Variants in LRRC31 observed in about 807,000 individuals in gnomAD.
The protein encoded by LRRC31 is leucine-rich repeat-containing protein 31.
LRRC31 carries 35 observed loss-of-function variants against 46.7 expected under a neutral mutation model. The ratio of observed to expected loss-of-function variants is 0.75; its 90% CI spans 0.57 to 0.99. The LOEUF (loss-of-function observed/expected upper bound fraction) is 0.99. Ranked by LOEUF, LRRC31 falls within the 50% of genes least tolerant of loss-of-function variation. The pLI, the probability that LRRC31 is intolerant of heterozygous loss-of-function variation, is 0.00. For missense variants in LRRC31, 613 were observed against 626.1 expected (o/e 0.98, Z 0.22); for synonymous variants, 236 against 235.1 (o/e 1.00, Z -0.03).
Position 169,861,664 on chromosome 3 carries a change from A to G in LRRC31, c.319+6T>C, listed in dbSNP as rs1446020017. The G allele has an allele frequency of 1.2e-6, 2 of 1,613,660 alleles. No individual in the cohort carries two copies. The highest frequency in any genetic ancestry group is 1.7e-6 in the Non-Finnish European group (2 of 1,179,940). On this transcript the variant is annotated splice_donor_region_variant and intron_variant, in intron 2 of 8. Transcript: ENST00000316428. ...TTCCTCTATGCAAAGTCTGCTGCAT[A>G]CAGACCCATTTCTTTCATGTCCGCT...
chr3:169,861,070 C>CTTTTTTT (rs11337221), intron 2 of LRRC31, among the ~76,000 whole-genome samples: 3 of 125,010 alleles, frequency 2.4e-5, no homozygotes, highest in African/African-American at 9.1e-5. Context: ...TTTTCTTTTC[C>CTTTTTTT]TTTTTTTTTT....
rs1780390281 is a variant in LRRC31, at chr3:169,839,798, ATATATGTG to A, written c.*176_*183del. The A allele has an allele frequency of 2.0e-5, 4 of 197,086 alleles. No individual in the cohort carries two copies. The East Asian group carries it at 4.7e-4, about 23-fold the overall frequency. 12.2% of individuals were successfully genotyped at this position (197,086 alleles called of 1,614,324 possible). On this transcript the variant is annotated 3_prime_UTR_variant, in exon 9 of 9. Coordinates refer to ENST00000316428, the MANE Select transcript of LRRC31 (RefSeq NM_024727.4). The stretch of plus-strand genomic sequence containing the variant: ...TATGTGTATTATATATGTATATTAT[ATATATGTG>A]TATATATGTATATTACATATATATA...
intron 1 of LRRC31, among the ~76,000 whole-genome samples, chr3:169,866,247 A>T (rs1399170098): frequency 6.6e-6 from 1 of 152,178 alleles, no homozygotes; most frequent in African/African-American, 2.4e-5. Context: ...TCCAGGCAAG[A>T]GACAATGAGA....
chr3:169,863,926 G>T (rs13316437), intron 1 of LRRC31, among the ~76,000 whole-genome samples: 4,291 of 151,894 alleles, frequency 0.028, 192 homozygotes, highest in African/African-American at 0.099. Flanking sequence ...TCATAGATTT[G>T]GAAACTTAGA....
At position 169,853,463 on chromosome 3, in the gene LRRC31, C is replaced by T. The variant is rs962830800; in HGVS notation, c.991+1350G>A. The T allele has an allele frequency of 3.2e-5, 32 of 985,356 alleles. No homozygotes were observed. The African/African-American group carries it at 4.5e-4, about 14-fold the overall frequency. 61.0% of individuals were successfully genotyped at this position (985,356 alleles called of 1,614,324 possible). Reference sequence around the variant, plus strand: ...CCTAGGTAAGGAAAGCTTAGTCCTCCGTTATACTAGTGGGAACAATTGAGG... The same window carrying T: ...CCTAGGTAAGGAAAGCTTAGTCCTCTGTTATACTAGTGGGAACAATTGAGG... On this transcript the variant is annotated intron_variant, in intron 6 of 8. Transcript: ENST00000316428.
chr3:169,856,232 T>A (rs935062298), intron 5 of LRRC31, 104 bp downstream of exon 5: 1 of 565,310 alleles, frequency 1.8e-6, no homozygotes, highest in African/African-American at 2.0e-5. Context: ...ACAACCACTG[T>A]TTATATTTTG....
In LRRC31 at chr3:169,851,574, G is replaced by A. The variant is rs181879689; in HGVS notation, c.1159+45C>T. The A allele has an allele frequency of 3.8e-4, 588 of 1,554,514 alleles. 8 individuals carry two copies. The South Asian group carries it at 6.6e-3, about 17-fold the overall frequency. On this transcript the variant is annotated intron_variant, in intron 7 of 8. Transcript: ENST00000316428. ...ATGCAGGGAAAAAGAAGTCTCCCTC[G>A]CACATTATTGCATGGTTCCTGCAGG...
In LRRC31 at chr3:169,856,404, CT is replaced by C; in HGVS notation, c.754del (p.Ser252AlafsTer5). On this transcript the variant is annotated frameshift_variant, in exon 5 of 9. Transcript: ENST00000316428. LOFTEE classifies it high-confidence loss of function. ...CTTCAGTACTTTCAGATTTGAGGTG[CT>C]TTTTAATCCCTGAGCAATACTGTTC... The part of the protein sequence containing the change: ...SLNSIAQGLK[S>X]TSNLKVLKLH... The C allele has an allele frequency of 6.2e-7, 1 of 1,606,466 alleles. No homozygotes were observed. Among genetic ancestry groups the C allele is most frequent in the South Asian group, 1.1e-5 (1 of 89,674 alleles).
Position 169,860,583 on chromosome 3 carries a change from G to A in LRRC31, c.465C>T (p.Thr155=). ...TACCCAGTGCTTGAACATCGTCAGT[G>A]GTGAGTCTGCAGCTACCCAGCCTCA... ...KILRLGSCRL[T]TDDVQALGEA... is the part of the protein sequence containing the mutation. Residue 155 remains threonine, a synonymous_variant, in exon 3 of 9, where the codon ACC becomes ACT. Coordinates refer to ENST00000316428, the MANE Select transcript of LRRC31 (RefSeq NM_024727.4). 6.2e-7 allele frequency: 1 copy of A among 1,614,118 alleles called. No individual in the cohort carries two copies. The highest frequency in any genetic ancestry group is 8.5e-7 in the Non-Finnish European group (1 of 1,180,002).
intron 1 of LRRC31, among the ~76,000 whole-genome samples, chr3:169,864,313 A>G (rs1348281459): frequency 1.3e-5 from 2 of 152,144 alleles, no homozygotes; most frequent in Non-Finnish European, 2.9e-5. Context: ...TTGTTTCTCA[A>G]AGGTCACCAA....
intron 2 of LRRC31, among the ~76,000 whole-genome samples, chr3:169,861,383 AAG>A (rs1209181738): frequency 1.1e-3 from 166 of 144,420 alleles, no homozygotes; most frequent in Non-Finnish European, 2.1e-3. Flanking sequence ...TTAAAAAAAA[AAG>A]AAAAAAGAAA....
intron 5 of LRRC31, among the ~76,000 whole-genome samples, chr3:169,856,030 G>A (rs1175716241): frequency 1.3e-5 from 2 of 151,800 alleles, no homozygotes; most frequent in Admixed American, 6.6e-5. Flanking sequence ...ACAGGCGCAC[G>A]TACCACCACG....
chr3:169,848,801 CA>C (rs1473516842), intron 7 of LRRC31, among the ~76,000 whole-genome samples: 1 of 152,174 alleles, frequency 6.6e-6, no homozygotes, highest in Non-Finnish European at 1.5e-5. Context: ...TTTAGCAATG[CA>C]AAACTTGATA....
rs369552353 is a variant in LRRC31 at position 169,856,890 on chromosome 3, G to A, written c.488-18C>T. The stretch of plus-strand genomic sequence containing the variant: ...TGCTTCTCCTGTTAACAAATGGCCC[G>A]AAAATTCTGTTGGTCACTAGTCAGA... On this transcript the variant is annotated intron_variant, in intron 3 of 8. Transcript: ENST00000316428. 236 of 1,590,142 alleles carry A rather than the reference G, an allele frequency of 1.5e-4. 1 individual carries two copies. The African/African-American group carries it at 2.2e-3, about 15-fold the overall frequency.
At chr3:169,859,392 C>T (rs955270619) in intron 3 of LRRC31, among the ~76,000 whole-genome samples, 1 of 152,042 alleles carries the variant, frequency 6.6e-6, no homozygotes, top group African/African-American at 2.4e-5. Context: ...CTACAGGAGG[C>T]ATGGGCCGGG....
At position 169,839,995 on chromosome 3, in the gene LRRC31, C is replaced by T; in HGVS notation, c.1646G>A (p.Gly549Asp). 1 of 1,611,044 alleles carries T rather than the reference C, an allele frequency of 6.2e-7. No homozygotes were observed. The highest frequency in any genetic ancestry group is 8.5e-7 in the Non-Finnish European group (1 of 1,178,480). Residue 549 changes from glycine to aspartate, a missense_variant, in exon 9 of 9, where the codon GGT (glycine) becomes GAT (aspartate). Physicochemically the swap from Gly to Asp is moderately conservative, Grantham distance 94. Coordinates refer to ENST00000316428, the MANE Select transcript of LRRC31 (RefSeq NM_024727.4). ...DKKRSIHFDH[G>D]GFQ ...TGGGAAATCAGTTTACTGAAACCCA[C>T]CATGGTCAAAGTGAATGCTTCTTTT...
chr3:169,861,196 G>A (rs1781140987), intron 2 of LRRC31, among the ~76,000 whole-genome samples: 1 of 149,908 alleles, frequency 6.7e-6, no homozygotes, highest in Non-Finnish European at 1.5e-5. Context: ...AGCCTCCCGA[G>A]TGGCTGGGAT....
In LRRC31 at chr3:169,851,624, G is replaced by C. The variant is rs1274806151; in HGVS notation, c.1154C>G (p.Ala385Gly). The change falls in exon 7 of 9, where the codon GCT (alanine) becomes GGT (glycine). Residue 385 changes from alanine (A) to glycine (G), a missense_variant. Transcript: ENST00000316428. Reference sequence around the variant, plus strand: ...GGATCTGGGAAATCTCTTACCAAGAGCTGTAAAAGTCTCACTCTCCAAAGC... The same window carrying C: ...GGATCTGGGAAATCTCTTACCAAGACCTGTAAAAGTCTCACTCTCCAAAGC... ...NCALESETFTALAEASVHLSA... is the reference protein window; with the variant it reads ...NCALESETFTGLAEASVHLSA... 8 of 1,613,266 alleles carry C rather than the reference G, an allele frequency of 5.0e-6. No homozygotes were observed. Among genetic ancestry groups the C allele is most frequent in the Middle Eastern group, 3.3e-4 (2 of 6,054 alleles).
intron 4 of LRRC31, 40 bp from the exon 5 acceptor site, chr3:169,856,543 G>T: frequency 6.5e-7 from 1 of 1,533,988 alleles, no homozygotes; most frequent in South Asian, 1.2e-5. Context: ...GTAGGTAGGA[G>T]GGGAGTGGAG....
Sources: allele counts gnomAD v4.1 joint callset (sites outside exome capture counted in the v4.1 genomes callset), GRCh38; gene constraint gnomAD v4.1.1; transcripts MANE v1.5; gene names NCBI Gene and HGNC (gene_info 2026-07-23, HGNC 2026-07-21).